The following ROBO2 variants were observed in gnomAD, a reference collection of about 807,000 sequenced individuals.
ROBO2 encodes the protein roundabout guidance receptor 2.
Under a neutral mutation model 160.8 loss-of-function variants are expected in ROBO2, and 53 were observed. The observed-to-expected ratio is 0.33, with a 90% confidence interval of 0.26 to 0.41. The LOEUF is 0.41. Among genes scored for constraint, ROBO2 ranks in the 10% least tolerant of loss-of-function variants. The pLI is 1.00. For missense variants in ROBO2, 1,577 were observed against 1,722.4 expected, an observed-to-expected ratio of 0.92 and a Z score of 1.49; for synonymous variants, 664 against 611.7, an observed-to-expected ratio of 1.09 and a Z score of -1.26.
At chr3:77,196,559 T>C (rs1464860336) in intron 2 of ROBO2, among the ~76,000 whole-genome samples, 1 of 152,074 alleles carries the variant, frequency 6.6e-6, no homozygotes, top group African/African-American at 2.4e-5. Flanking sequence ...CTTTTATACT[T>C]TTTAAAACCT....
At chr3:76,596,557 AG>A (rs927344937) in intron 2 of ROBO2, among the ~76,000 whole-genome samples, 28 of 152,134 alleles carry the variant, frequency 1.8e-4, no homozygotes, top group African/African-American at 6.8e-4. Flanking sequence ...TGTTAAATGT[AG>A]GTGGCAATCA....
chr3:76,556,263 CAT>C (rs1315327392), intron 2 of ROBO2, among the ~76,000 whole-genome samples: 10 of 152,038 alleles, frequency 6.6e-5, no homozygotes, highest in Admixed American at 3.9e-4. Flanking sequence ...TCCGGTCTTC[CAT>C]ATGTTTTCCA....
chr3:77,618,383 C>G (rs994038837), intron 22 of ROBO2, among the ~76,000 whole-genome samples: 6 of 152,034 alleles, frequency 3.9e-5, no homozygotes, highest in African/African-American at 1.4e-4. Context: ...AATCTATAAA[C>G]TTTTGTAAAC....
chr3:76,187,944 C>A (rs1263599090), intron 2 of ROBO2, among the ~76,000 whole-genome samples: 1 of 152,052 alleles, frequency 6.6e-6, no homozygotes, highest in Admixed American at 6.6e-5. Flanking sequence ...TTAAAAGCCC[C>A]GAATAATATG....
chr3:76,389,548 A>G (rs934564691), intron 2 of ROBO2, among the ~76,000 whole-genome samples: 14 of 152,198 alleles, frequency 9.2e-5, no homozygotes, highest in Non-Finnish European at 1.6e-4. Flanking sequence ...ATATGACTGC[A>G]TGTGCACTCT....
At chr3:77,112,475 G>T (rs1218435048) in intron 2 of ROBO2, among the ~76,000 whole-genome samples, 2 of 151,952 alleles carry the variant, frequency 1.3e-5, no homozygotes, top group Non-Finnish European at 2.9e-5. Context: ...AACTCCTGAT[G>T]TGGGCTGATG....
At chr3:76,974,435 C>A (rs1455986778) in intron 2 of ROBO2, among the ~76,000 whole-genome samples, 8 of 152,100 alleles carry the variant, frequency 5.3e-5, no homozygotes, top group African/African-American at 7.2e-5. Flanking sequence ...TGAATCTTCA[C>A]AAAATATGCA....
At chr3:76,650,197 T>TA (rs1578880217) in intron 2 of ROBO2, among the ~76,000 whole-genome samples, 1 of 151,808 alleles carries the variant, frequency 6.6e-6, no homozygotes, top group Admixed American at 6.6e-5. Flanking sequence ...ACACAAAAAA[T>TA]AAAAAACTGA....
intron 2 of ROBO2, among the ~76,000 whole-genome samples, chr3:76,568,931 A>T (rs1429635208): frequency 6.6e-6 from 1 of 152,192 alleles, no homozygotes; most frequent in Non-Finnish European, 1.5e-5. Flanking sequence ...CAACTAAATA[A>T]ATGTCATAAA....
chr3:75,932,792 A>G (rs1057399993), intron 1 of ROBO2, among the ~76,000 whole-genome samples: 3 of 152,204 alleles, frequency 2.0e-5, no homozygotes, highest in African/African-American at 4.8e-5. Flanking sequence ...AATTTGTCAC[A>G]GAAATTAAAT....
chr3:77,156,315 C>T (rs1236482126), intron 2 of ROBO2, among the ~76,000 whole-genome samples: 1 of 151,968 alleles, frequency 6.6e-6, no homozygotes, highest in East Asian at 1.9e-4. Flanking sequence ...TCGTGTTAAA[C>T]AATGTAAGAT....
At chr3:76,389,098 C>T (rs139547743) in intron 2 of ROBO2, among the ~76,000 whole-genome samples, 3 of 152,330 alleles carry the variant, frequency 2.0e-5, no homozygotes, top group African/African-American at 7.2e-5. Flanking sequence ...CTTTTGCCTA[C>T]ATCCTGCTCA....
chr3:75,944,516 TAAAA>T (rs113015093), intron 2 of ROBO2, among the ~76,000 whole-genome samples: 5 of 151,190 alleles, frequency 3.3e-5, no homozygotes, highest in African/African-American at 1.2e-4. Flanking sequence ...TCCAAGGACT[TAAAA>T]AAAAACCTGG....
upstream of ROBO2, among the ~76,000 whole-genome samples, chr3:77,038,488 T>A (rs574260588): frequency 3.3e-5 from 5 of 152,132 alleles, no homozygotes; most frequent in Admixed American, 6.5e-5. Context: ...CTAAGTTAAG[T>A]AGCAGCACCA....
intron 2 of ROBO2, among the ~76,000 whole-genome samples, chr3:76,819,377 C>G (rs1243545509): frequency 2.6e-5 from 4 of 152,006 alleles, no homozygotes; most frequent in African/African-American, 9.7e-5. Context: ...CTCTCCGATC[C>G]CTTGTTAAGC....
At chr3:77,516,847 T>C (rs184858563) in intron 5 of ROBO2, among the ~76,000 whole-genome samples, 1 of 151,818 alleles carries the variant, frequency 6.6e-6, no homozygotes, top group Admixed American at 6.6e-5. Context: ...CTCTCAGTAC[T>C]GCATATAATT....
intron 2 of ROBO2, among the ~76,000 whole-genome samples, chr3:77,301,080 G>A (rs1462149694): frequency 6.6e-6 from 1 of 151,822 alleles, no homozygotes; most frequent in African/African-American, 2.4e-5. Flanking sequence ...TGTTGGCCAG[G>A]CTGGTCTCGA....
intron 2 of ROBO2, among the ~76,000 whole-genome samples, chr3:76,049,681 A>T (rs895882660): frequency 5.3e-5 from 8 of 151,980 alleles, no homozygotes; most frequent in Admixed American, 5.2e-4. Flanking sequence ...TTCTTTCCAC[A>T]TATTCTTCTC....
chr3:76,482,021 CCCCAA>C (rs1456753898), intron 2 of ROBO2, among the ~76,000 whole-genome samples: 20 of 151,942 alleles, frequency 1.3e-4, no homozygotes, highest in Non-Finnish European at 2.8e-4. Flanking sequence ...AAGTCAGAAT[CCCCAA>C]CCAGAGTTGG....
Sources: allele counts gnomAD v4.1 joint callset (sites outside exome capture counted in the v4.1 genomes callset), GRCh38; gene constraint gnomAD v4.1.1; transcripts MANE v1.5; gene names NCBI Gene and HGNC (gene_info 2026-07-23, HGNC 2026-07-21).